The following DYRK1A variants were observed in gnomAD, a reference collection of about 807,000 sequenced individuals.
DYRK1A encodes dual specificity tyrosine-phosphorylation-regulated kinase 1A.
In DYRK1A, 9 loss-of-function variants were observed where a neutral mutation model predicts 79.7. That is an observed-to-expected ratio of 0.11 (90% CI 0.07 to 0.20). The LOEUF (loss-of-function observed/expected upper bound fraction) is 0.20. Ranked by LOEUF, DYRK1A falls within the 10% of genes least tolerant of loss-of-function variation. The pLI, the probability that DYRK1A is intolerant of heterozygous loss-of-function variation, is 1.00. For synonymous variants in DYRK1A, 349 were observed against 329.7 expected (o/e 1.06, Z -0.63); for missense variants, 622 against 956.0 (o/e 0.65, Z 4.61).
intron 1 of DYRK1A, among the ~76,000 whole-genome samples, chr21:37,368,508 C>T (rs1004083000): frequency 3.3e-5 from 5 of 152,184 alleles, no homozygotes; most frequent in Non-Finnish European, 5.9e-5. Flanking sequence ...TGACACGAAT[C>T]CCATAATCTG....
rs187498017 is a variant in DYRK1A at position 37,393,346 on chromosome 21, T to C, written c.-77+25718T>C. 7.3e-3 allele frequency among the ~76,000 whole-genome samples: 1,112 copies of C among 152,324 alleles called. 17 individuals carry two copies. Among genetic ancestry groups the C allele is most frequent in the Admixed American group, 0.033 (502 of 15,302 alleles). On this transcript the variant is annotated intron_variant, in intron 1 of 11. Transcript: ENST00000647188. ...TCCACTCTCTGTTTAGTTGGGAGGA[T>C]GTGCTCTCAAAGAGGTTACCTACAG...
intron 1 of DYRK1A, among the ~76,000 whole-genome samples, chr21:37,412,536 A>G (rs1485735118): frequency 6.6e-6 from 1 of 152,198 alleles, no homozygotes; most frequent in Non-Finnish European, 1.5e-5. Flanking sequence ...AACCTGCCCT[A>G]GAGTTTATGA....
At chr21:37,394,226 CTTTTT>C (rs10593016) in intron 1 of DYRK1A, among the ~76,000 whole-genome samples, 1 of 143,994 alleles carries the variant, frequency 6.9e-6, no homozygotes, top group South Asian at 2.2e-4. Flanking sequence ...TTTTTAAACC[CTTTTT>C]TTTTTTTCTA....
At chr21:37,444,784 A>G (rs967806506) in intron 2 of DYRK1A, among the ~76,000 whole-genome samples, 1 of 152,180 alleles carries the variant, frequency 6.6e-6, no homozygotes, top group Non-Finnish European at 1.5e-5. Flanking sequence ...GAAAATCCAG[A>G]TTGCAGAAAA....
In DYRK1A at chr21:37,505,099, T is replaced by C. The variant is rs187414790; in HGVS notation, c.1213-184T>C. 10 of 584,130 alleles carry C rather than the reference T, an allele frequency of 1.7e-5. No individual in the cohort carries two copies. In the Admixed American group the frequency reaches 1.9e-4, roughly 11 times the overall value. 36.2% of individuals were successfully genotyped at this position (584,130 alleles called of 1,614,324 possible). On this transcript the variant is annotated intron_variant, in intron 9 of 11. Transcript: ENST00000647188. ...TAGCCATTTTTGGTCTCAGAATTAA[T>C]GTTGAACTGTAACTACCATGCATTT...
At position 37,525,515 on chromosome 21, in the gene DYRK1A, A is replaced by C. The variant is rs979995812; in HGVS notation, c.*12984A>C. 5.3e-5 allele frequency: 8 copies of C among 152,236 alleles called. No individual in the cohort carries two copies. Among genetic ancestry groups the C allele is most frequent in the Non-Finnish European group, 7.3e-5 (5 of 68,050 alleles). The allele number at this position is 152,236 out of a possible 1,614,324, so 9.4% of individuals were successfully genotyped here. ...GTGGGGATTATGGGGGCTACAATTC[A>C]ATGAGATTTGGGTGGGGACACAGCT... On this transcript the variant is annotated 3_prime_UTR_variant, in exon 12 of 12. Coordinates refer to ENST00000647188, the MANE Select transcript of DYRK1A (RefSeq NM_001347721.2).
intron 2 of DYRK1A, among the ~76,000 whole-genome samples, chr21:37,461,074 G>A (rs1055681652): frequency 2.4e-4 from 37 of 152,206 alleles, no homozygotes; most frequent in Non-Finnish European, 8.8e-5. Context: ...TTACTGTAGG[G>A]TTAAGTAAGA....
chr21:37,444,447 G>T (rs960538569), intron 2 of DYRK1A, among the ~76,000 whole-genome samples: 1 of 152,174 alleles, frequency 6.6e-6, no homozygotes, highest in East Asian at 1.9e-4. Flanking sequence ...TTTATTAATT[G>T]AGCCTACTAA....
chr21:37,461,009 T>G (rs1306266109), intron 2 of DYRK1A, among the ~76,000 whole-genome samples: 1 of 152,210 alleles, frequency 6.6e-6, no homozygotes, highest in East Asian at 1.9e-4. Context: ...TGGCCTCCTA[T>G]TTCAGCTGTA....
chr21:37,429,893 C>T (rs1024145737), intron 2 of DYRK1A, among the ~76,000 whole-genome samples: 2 of 152,196 alleles, frequency 1.3e-5, no homozygotes, highest in African/African-American at 4.8e-5. Flanking sequence ...TAAAATTCTT[C>T]TCTTGGTTGC....
At chr21:37,426,525 A>G (rs1188628924) in intron 2 of DYRK1A, among the ~76,000 whole-genome samples, 1 of 152,160 alleles carries the variant, frequency 6.6e-6, no homozygotes, top group Non-Finnish European at 1.5e-5. Context: ...AAAAGTGGTG[A>G]TAACCCAGGA....
At chr21:37,377,370 C>T (rs1296554609) in intron 1 of DYRK1A, among the ~76,000 whole-genome samples, 1 of 152,160 alleles carries the variant, frequency 6.6e-6, no homozygotes, top group East Asian at 1.9e-4. Flanking sequence ...CCGCTTACCT[C>T]GGCCTCCCAA....
In DYRK1A at chr21:37,514,825, A is replaced by G. The variant is rs2053855163; in HGVS notation, c.*2294A>G. On this transcript the variant is annotated 3_prime_UTR_variant, in exon 12 of 12. Coordinates refer to ENST00000647188, the MANE Select transcript of DYRK1A (RefSeq NM_001347721.2). ...TAGGAATATAAGGTTAAGATATCAT[A>G]TGGGTCAGGTCATTTTTTTTTTCTG... is the stretch of plus-strand genomic sequence containing the variant. 1.3e-5 allele frequency: 2 copies of G among 152,548 alleles called. No homozygotes were observed. The highest frequency in any genetic ancestry group is 2.9e-5 in the Non-Finnish European group (2 of 68,028). The allele number at this position is 152,548 out of a possible 1,614,324, so 9.4% of individuals were successfully genotyped here.
At chr21:37,462,630 C>T (rs1038764142) in intron 2 of DYRK1A, among the ~76,000 whole-genome samples, 5 of 152,132 alleles carry the variant, frequency 3.3e-5, no homozygotes, top group Admixed American at 1.3e-4. Flanking sequence ...ACCCTATGTA[C>T]GGATTGATGG....
In DYRK1A at chr21:37,394,696, A is replaced by G. The variant is rs2049929830; in HGVS notation, c.-76-25603A>G. 2.0e-5 allele frequency among the ~76,000 whole-genome samples: 3 copies of G among 152,142 alleles called. No individual in the cohort carries two copies. In the South Asian group the frequency reaches 6.2e-4, roughly 32 times the overall value. On this transcript the variant is annotated intron_variant, in intron 1 of 11. Coordinates refer to ENST00000647188, the MANE Select transcript of DYRK1A (RefSeq NM_001347721.2). ...GCTCCTTATGAGAATCTAACTGATG[A>G]TCTGAAGTAGAAGAGTTTCATTCTG...
At chr21:37,497,060 A>G (rs1306243965) in intron 9 of DYRK1A, among the ~76,000 whole-genome samples, 2 of 152,332 alleles carry the variant, frequency 1.3e-5, no homozygotes, top group Non-Finnish European at 2.9e-5. Context: ...ACACATGTAC[A>G]TACAGAAGTC....
chr21:37,373,362 T>C (rs2049471516), intron 1 of DYRK1A, among the ~76,000 whole-genome samples: 1 of 152,222 alleles, frequency 6.6e-6, no homozygotes, highest in Non-Finnish European at 1.5e-5. Flanking sequence ...GAGTATAGAA[T>C]TTTAGCTTTG....
chr21:37,475,262 T>G (rs1016175991), intron 3 of DYRK1A, among the ~76,000 whole-genome samples: 48 of 152,190 alleles, frequency 3.2e-4, no homozygotes, highest in African/African-American at 1.1e-3. Context: ...AAGGGGTCAT[T>G]TCTGCAGCTT....
chr21:37,410,854 CCTGA>C (rs1433339886), intron 1 of DYRK1A, among the ~76,000 whole-genome samples: 8 of 152,010 alleles, frequency 5.3e-5, no homozygotes, highest in South Asian at 2.1e-4. Flanking sequence ...TCGGGACCAA[CCTGA>C]CTATCACAGT....
Sources: allele counts gnomAD v4.1 joint callset (sites outside exome capture counted in the v4.1 genomes callset), GRCh38; gene constraint gnomAD v4.1.1; transcripts MANE v1.5; gene names NCBI Gene and HGNC (gene_info 2026-07-23, HGNC 2026-07-21).